Variants in ZFHX3 observed in about 807,000 individuals in gnomAD.
The protein encoded by ZFHX3 is zinc finger homeobox 3.
Under a neutral mutation model 279.1 loss-of-function variants are expected in ZFHX3, and 42 were observed. The observed-to-expected ratio is 0.15, with a 90% CI of 0.12 to 0.19. ZFHX3 has a LOEUF of 0.19. Ranked by LOEUF, ZFHX3 falls within the 10% of genes least tolerant of loss-of-function variation. The pLI, the probability that ZFHX3 is intolerant of heterozygous loss-of-function variation, is 1.00. For missense variants in ZFHX3, 4,981 were observed against 4,754.0 expected, an observed-to-expected ratio of 1.05 and a Z score of -1.40; for synonymous variants, 2,293 against 1,957.8, an observed-to-expected ratio of 1.17 and a Z score of -4.52.
chr16:72,872,705 C>T (rs918313124), intron 4 of ZFHX3, among the ~76,000 whole-genome samples: 10 of 152,174 alleles, frequency 6.6e-5, no homozygotes, highest in African/African-American at 2.2e-4. Context: ...GTGATCCACC[C>T]GCCTCGGCCT....
intron 4 of ZFHX3, among the ~76,000 whole-genome samples, chr16:72,837,485 T>A (rs959930307): frequency 6.6e-6 from 1 of 151,124 alleles, no homozygotes; most frequent in African/African-American, 2.4e-5. Context: ...TTTTTTTTTT[T>A]TTTTTTTTTT....
intron 1 of ZFHX3, among the ~76,000 whole-genome samples, chr16:73,872,796 A>G (rs1320317916): frequency 8.4e-5 from 1 of 11,964 alleles, no homozygotes; most frequent in Non-Finnish European, 1.5e-4. Context: ...GTGGCGGTGG[A>G]TGGTGGTGGG....
At chr16:73,600,148 A>G (rs1296782335) in intron 2 of ZFHX3, among the ~76,000 whole-genome samples, 1 of 152,204 alleles carries the variant, frequency 6.6e-6, no homozygotes, top group African/African-American at 2.4e-5. Flanking sequence ...CCAAACTGTA[A>G]GTAACCTCCA....
chr16:73,717,909 A>G (rs2053432182), intron 1 of ZFHX3, among the ~76,000 whole-genome samples: 1 of 152,214 alleles, frequency 6.6e-6, no homozygotes, highest in African/African-American at 2.4e-5. Flanking sequence ...TGGTGTAAAG[A>G]GCACAACAGC....
At chr16:73,187,144 T>TCACACA (rs71156147) in intron 5 of ZFHX3, among the ~76,000 whole-genome samples, 10,738 of 146,996 alleles carry the variant, frequency 0.073, 445 homozygotes, top group Admixed American at 0.1. Flanking sequence ...GTTGTATGTC[T>TCACACA]CACACACACA....
intron 7 of ZFHX3, among the ~76,000 whole-genome samples, chr16:73,129,714 A>ATATGTG (rs1966641571): frequency 6.8e-6 from 1 of 147,494 alleles, no homozygotes; most frequent in African/African-American, 2.5e-5. Flanking sequence ...GTGCATGTGT[A>ATATGTG]TGTGTGTGTG....
At chr16:72,960,292 A>C in intron 1 of ZFHX3, 98 bp from the exon 2 acceptor site, 1 of 984,280 alleles carries the variant, frequency 1.0e-6, no homozygotes, top group Non-Finnish European at 1.4e-6. Context: ...TACCGCACGG[A>C]GCGCTCTAAG....
intron 1 of ZFHX3, among the ~76,000 whole-genome samples, chr16:73,017,883 T>C (rs1202869607): frequency 4.6e-5 from 7 of 152,228 alleles, no homozygotes. Context: ...CAGATGCTCC[T>C]TAATTCCCCA....
intron 5 of ZFHX3, among the ~76,000 whole-genome samples, chr16:73,196,431 G>A (rs910131528): frequency 3.3e-5 from 5 of 152,002 alleles, no homozygotes; most frequent in Non-Finnish European, 7.4e-5. Flanking sequence ...GCCTAGTGAC[G>A]CCATATTTGT....
intron 3 of ZFHX3, among the ~76,000 whole-genome samples, chr16:73,431,302 G>A (rs2143515089): frequency 6.6e-6 from 1 of 152,244 alleles, no homozygotes; most frequent in South Asian, 2.1e-4. Context: ...CATTTTGGGA[G>A]GCTGAGGCGG....
At chr16:72,820,689 G>GT (rs1338339751) in intron 5 of ZFHX3, among the ~76,000 whole-genome samples, 1 of 152,140 alleles carries the variant, frequency 6.6e-6, no homozygotes, top group Admixed American at 6.5e-5. Flanking sequence ...TATGGCCATG[G>GT]TATCTTGTGA....
intron 5 of ZFHX3, among the ~76,000 whole-genome samples, chr16:73,238,899 G>T (rs778817643): frequency 6.6e-6 from 1 of 152,082 alleles, no homozygotes; most frequent in Non-Finnish European, 1.5e-5. Flanking sequence ...TTTCAAGACT[G>T]TTCCAGCAAG....
intron 2 of ZFHX3, among the ~76,000 whole-genome samples, chr16:73,481,578 G>A (rs965085405): frequency 5.9e-5 from 9 of 152,020 alleles, no homozygotes; most frequent in African/African-American, 2.2e-4. Context: ...GGGACCACAG[G>A]TGCATGCCAG....
intron 5 of ZFHX3, chr16:72,829,496 C>G (rs1211042355): frequency 2.6e-6 from 1 of 390,622 alleles, no homozygotes; most frequent in East Asian, 3.9e-5. Flanking sequence ...CCCTTGCACA[C>G]AGCTTGGCAC....
At chr16:73,385,559 A>G (rs115011222) in intron 3 of ZFHX3, among the ~76,000 whole-genome samples, 2,814 of 152,308 alleles carry the variant, frequency 0.018, 88 homozygotes, top group African/African-American at 0.064. Flanking sequence ...AGGGTTCAGG[A>G]ATCCTGCTAC....
intron 5 of ZFHX3, among the ~76,000 whole-genome samples, chr16:73,241,512 C>T (rs373695797): frequency 1.3e-5 from 2 of 151,122 alleles, no homozygotes; most frequent in South Asian, 2.1e-4. Flanking sequence ...GGTTGGGGGC[C>T]GGGCGCGGTG....
rs189865076 is a variant in ZFHX3 at position 72,864,217 on chromosome 16, C to G, written c.3448+25514G>C. On this transcript the variant is annotated intron_variant, in intron 4 of 9. Transcript: ENST00000268489. ...GTTTGATTTTAATTCTTTACCTGAC[C>G]CTTATATTTTTTTCTTTTGATTTAC... Among the ~76,000 whole-genome samples the G allele has an allele frequency of 2.1e-4, 32 of 152,220 alleles. No homozygotes were observed. In the East Asian group the frequency reaches 5.4e-3, roughly 26 times the overall value.
intron 6 of ZFHX3, among the ~76,000 whole-genome samples, chr16:73,132,409 T>C (rs1054050652): frequency 1.9e-4 from 29 of 152,150 alleles, no homozygotes; most frequent in African/African-American, 6.8e-4. Context: ...CTGGAATCAA[T>C]TCAAGAAGAG....
intron 2 of ZFHX3, among the ~76,000 whole-genome samples, chr16:73,583,315 T>C (rs2051880858): frequency 6.6e-6 from 1 of 152,030 alleles, no homozygotes; most frequent in African/African-American, 2.4e-5. Flanking sequence ...CAACTAATCT[T>C]AAAAAAGAAG....
Sources: gnomAD v4.1 joint callset for allele counts (sites outside exome capture counted in the v4.1 genomes callset) on GRCh38, gnomAD v4.1.1 for gene constraint, MANE v1.5 for transcripts, NCBI Gene and HGNC (gene_info 2026-07-23, HGNC 2026-07-21) for gene names.